FLAD1: variants seen among roughly 807,000 people sequenced by gnomAD.
FLAD1 encodes bifunctional FAD diphosphatase/FAD synthase.
A neutral mutation model predicts 55.0 loss-of-function variants in FLAD1; 35 were observed. The ratio of observed to expected loss-of-function variants is 0.64; its 90% CI spans 0.49 to 0.84. The LOEUF (loss-of-function observed/expected upper bound fraction) is 0.84, where lower values mean the gene tolerates loss of function less well. Among genes scored for constraint, FLAD1 ranks in the 40% least tolerant of loss-of-function variants. The pLI, the probability that FLAD1 is intolerant of heterozygous loss-of-function variation, is 0.00. For synonymous variants in FLAD1, 267 were observed against 303.0 expected (o/e 0.88, Z 1.23); for missense variants, 665 against 742.6 (o/e 0.90, Z 1.21).
In FLAD1 at chr1:154,983,351, GAGGAA is replaced by G; in HGVS notation, c.-338_-334del. On this transcript the variant is annotated 5_prime_UTR_variant, in exon 1 of 7. It introduces an in-frame stop codon into an upstream open reading frame of the 5' UTR. Coordinates refer to ENST00000292180, the MANE Select transcript of FLAD1 (RefSeq NM_025207.5). ...AAGTACGGAAGCTGCCCCGGGACAT[GAGGAA>G]AGGAACAAGGGAAAGAGCCGGTGAA... is the stretch of plus-strand genomic sequence containing the variant. 1 of 200,036 alleles carries G rather than the reference GAGGAA, an allele frequency of 5.0e-6. No individual in the cohort carries two copies. Among genetic ancestry groups the G allele is most frequent in the Non-Finnish European group, 1.0e-5 (1 of 98,474 alleles). 12.4% of individuals were successfully genotyped at this position (200,036 alleles called of 1,614,324 possible).
At chr1:154,989,509 T>C in intron 2 of FLAD1, 51 bp from the exon 3 acceptor site, 1 of 1,473,884 alleles carries the variant, frequency 6.8e-7, no homozygotes, top group Non-Finnish European at 9.0e-7. Context: ...TCACTCCCCT[T>C]TGATAGCCAT....
rs369848433 is a variant in FLAD1 at position 154,992,694 on chromosome 1, T to G, written c.1555-19T>G. The G allele has an allele frequency of 1.1e-5, 18 of 1,614,076 alleles. No homozygotes were observed. The African/African-American group carries it at 1.3e-4, about 12-fold the overall frequency. ...GAAAGGTGAGCATTTGTGACTATTC[T>G]ATTACTCTGACCTCCCAGGACTGGA... On this transcript the variant is annotated intron_variant, in intron 5 of 6. Coordinates refer to ENST00000292180, the MANE Select transcript of FLAD1 (RefSeq NM_025207.5).
chr1:154,983,805 G>T lies in FLAD1; in HGVS notation c.111G>T (p.Thr37=). The T allele has an allele frequency of 4.3e-6, 7 of 1,614,184 alleles. No homozygotes were observed. The highest frequency in any genetic ancestry group is 1.3e-5 in the African/African-American group (1 of 75,044). Residue 37 remains threonine, a synonymous_variant, in exon 1 of 7, where the codon ACG becomes ACT. Transcript: ENST00000292180. ...TRVFLEGSTR[T]PALPHCLFWL... The stretch of plus-strand genomic sequence containing the variant: ...TCTTCCTCGAAGGAAGCACGCGCAC[G>T]CCTGCTCTCCCCCATTGTCTTTTCT...
rs1203866786 is a variant in FLAD1, at chr1:154,988,229, T to C, written c.497T>C (p.Phe166Ser). The change falls in exon 2 of 7, where the codon TTC (phenylalanine) becomes TCC (serine). Residue 166 changes from phenylalanine (F) to serine (S), a missense_variant. Phe to Ser is a radical substitution (Grantham distance 155). Coordinates refer to ENST00000292180, the MANE Select transcript of FLAD1 (RefSeq NM_025207.5). ...VATIAAEVTS[F>S]SNRFTHVLTA... ...ACCATTGCAGCTGAGGTCACTTCTT[T>C]CTCCAACCGCTTCACCCATGTCCTC... 1.9e-6 allele frequency: 3 copies of C among 1,614,128 alleles called. No individual in the cohort carries two copies. Among genetic ancestry groups the C allele is most frequent in the Non-Finnish European group, 2.5e-6 (3 of 1,180,022 alleles).
chr1:154,990,567 GC>G, intron 5 of FLAD1, 39 bp downstream of exon 5: 1 of 1,533,564 alleles, frequency 6.5e-7, no homozygotes. Context: ...AGTCTCACGT[GC>G]CCCAGCAGTC....
chr1:154,984,975 C>T (rs1291221945), intron 1 of FLAD1, among the ~76,000 whole-genome samples: 1 of 151,090 alleles, frequency 6.6e-6, no homozygotes, highest in Non-Finnish European at 1.5e-5. Context: ...AGCAGTCCTC[C>T]TGCCTCAGCA....
At chr1:154,986,845 A>G (rs1433803133) in intron 1 of FLAD1, among the ~76,000 whole-genome samples, 2 of 149,534 alleles carry the variant, frequency 1.3e-5, no homozygotes, top group African/African-American at 4.9e-5. Context: ...CAATCCTCCC[A>G]CCTCAGCCTC....
At chr1:154,987,367 A>C (rs1657660107) in intron 1 of FLAD1, 1 of 152,570 alleles carries the variant, frequency 6.6e-6, no homozygotes, top group Non-Finnish European at 1.5e-5. Flanking sequence ...CCCTTTGTAG[A>C]CAATTAGAGG....
Position 154,988,861 on chromosome 1 carries a change from A to G in FLAD1, c.1117+12A>G. ...ACTCGCTGAATCAGGTAGGGACCTT[A>G]TGGAGGAGGGGCATTATGCCCAAAG... On this transcript the variant is annotated intron_variant, in intron 2 of 6. Transcript: ENST00000292180. 1.2e-6 allele frequency: 2 copies of G among 1,613,942 alleles called. No individual in the cohort carries two copies. The highest frequency in any genetic ancestry group is 1.7e-6 in the Non-Finnish European group (2 of 1,179,864).
chr1:154,987,969 A>G, intron 1 of FLAD1, 136 bp from the exon 2 acceptor site: 2 of 1,555,972 alleles, frequency 1.3e-6, no homozygotes, highest in South Asian at 1.2e-5. Flanking sequence ...TGTCCAGTCC[A>G]GGCCCCTCAG....
intron 1 of FLAD1, chr1:154,987,337 A>G (rs1289570363): frequency 1.3e-5 from 2 of 152,348 alleles, no homozygotes; most frequent in South Asian, 2.1e-4. Flanking sequence ...CCATCAGAAC[A>G]CAGACCCTTA....
chr1:154,988,947 C>A (rs1319716285), intron 2 of FLAD1, 98 bp downstream of exon 2: 1 of 1,566,670 alleles, frequency 6.4e-7, no homozygotes, highest in Non-Finnish European at 8.7e-7. Flanking sequence ...CTGCAAATCC[C>A]TGAGAGGGCA....
intron 5 of FLAD1, chr1:154,992,489 C>A: frequency 7.9e-7 from 1 of 1,271,986 alleles, no homozygotes; most frequent in Non-Finnish European, 1.1e-6. Context: ...TCCACCCTTG[C>A]ACTAGAGGGT....
Position 154,988,634 on chromosome 1 carries a change from A to G in FLAD1, c.902A>G (p.Gln301Arg), listed in dbSNP as rs1459741815. Reference sequence around the variant, plus strand: ...ATCGCCCCCATTCTGGCTGAGGCCCAGGCCCACTTTGGACGTAGGCTTGGC... The same window carrying G: ...ATCGCCCCCATTCTGGCTGAGGCCCGGGCCCACTTTGGACGTAGGCTTGGC... ...ASIAPILAEA[Q>R]AHFGRRLGLG... Residue 301 changes from glutamine to arginine, a missense_variant, in exon 2 of 7, where the codon CAG becomes CGG. Gln to Arg is a conservative substitution (Grantham distance 43, BLOSUM62 1). Transcript: ENST00000292180. The G allele has an allele frequency of 2.5e-6, 4 of 1,614,246 alleles. No individual in the cohort carries two copies. Among genetic ancestry groups the G allele is most frequent in the Admixed American group, 1.7e-5 (1 of 60,030 alleles).
At chr1:154,986,704 C>CCCCTT (rs1657626991) in intron 1 of FLAD1, among the ~76,000 whole-genome samples, 2 of 91,700 alleles carry the variant, frequency 2.2e-5, no homozygotes, top group African/African-American at 9.9e-5. Flanking sequence ...GCCCCCCACC[C>CCCCTT]TTTTTTTTTT....
At chr1:154,989,511 G>A in intron 2 of FLAD1, 49 bp from the exon 3 acceptor site, 2 of 1,475,772 alleles carry the variant, frequency 1.4e-6, no homozygotes. Context: ...ACTCCCCTTT[G>A]ATAGCCATAT....
Position 154,984,007 on chromosome 1 carries a change from C to G in FLAD1, c.313C>G (p.Leu105Val), listed in dbSNP as rs768383309. Residue 105 changes from leucine (L) to valine (V), a missense_variant, in exon 1 of 7, where the codon CTT becomes GTT. Coordinates refer to ENST00000292180, the MANE Select transcript of FLAD1 (RefSeq NM_025207.5). ...GACCATGACATCTAGGGCCTCTGAA[C>G]TTTCTCCGGGGCGCAGCGTGACGGC... ...GRTMTSRASE[L>V]SPGRSVTAGI... The G allele has an allele frequency of 4.0e-6, 6 of 1,518,016 alleles. No homozygotes were observed. The Admixed American group carries it at 1.1e-4, about 29-fold the overall frequency. 94.0% of individuals were successfully genotyped at this position (1,518,016 alleles called of 1,614,324 possible).
chr1:154,984,172 T>A (rs965504145), intron 1 of FLAD1, 106 bp downstream of exon 1: 64 of 1,039,338 alleles, frequency 6.2e-5, no homozygotes, highest in Non-Finnish European at 7.9e-5. Context: ...GGAGCCTCTT[T>A]GCTGCAGTAG....
Position 154,983,954 on chromosome 1 carries a change from G to T in FLAD1, c.260G>T (p.Arg87Met). 1 of 1,585,864 alleles carries T rather than the reference G, an allele frequency of 6.3e-7. No individual in the cohort carries two copies. The highest frequency in any genetic ancestry group is 8.6e-7 in the Non-Finnish European group (1 of 1,165,110). The change falls in exon 1 of 7, where the codon AGG (arginine) becomes ATG (methionine). Residue 87 changes from arginine to methionine, a missense_variant. Arg to Met is a moderately conservative substitution (Grantham distance 91). Transcript: ENST00000292180. ...TTTGGGGGTCTGGGTGGCTACTGGAGGGCCTTGCAGAGGGGCAGAGAAGGC... is the reference window on the plus strand; with the variant it reads ...TTTGGGGGTCTGGGTGGCTACTGGATGGCCTTGCAGAGGGGCAGAGAAGGC... ...PLFGGLGGYW[R>M]ALQRGREGRT...
Sources: gnomAD v4.1 joint callset for allele counts (sites outside exome capture counted in the v4.1 genomes callset) on GRCh38, gnomAD v4.1.1 for gene constraint, MANE v1.5 for transcripts, NCBI Gene and HGNC (gene_info 2026-07-23, HGNC 2026-07-21) for gene names.